ATG9A: variants seen among roughly 807,000 people sequenced by gnomAD.
ATG9A encodes the protein autophagy-related protein 9A.
In ATG9A, 21 loss-of-function variants were observed where a neutral mutation model predicts 87.1. The observed-to-expected ratio is 0.24, with a 90% CI of 0.17 to 0.35. ATG9A has a LOEUF of 0.35. Among genes scored for constraint, ATG9A ranks in the 10% least tolerant of loss-of-function variants. The probability of loss-of-function intolerance (pLI) is 1.00; values close to 1 mark genes in which losing one functional copy is unlikely to be tolerated. For synonymous variants in ATG9A, 422 were observed against 441.3 expected, an observed-to-expected ratio of 0.96 and a Z score of 0.55; for missense variants, 836 against 1,107.3, an observed-to-expected ratio of 0.76 and a Z score of 3.48.
At chr2:219,225,352 A>G in intron 6 of ATG9A, 59 bp downstream of exon 6, 3 of 1,601,224 alleles carry the variant, frequency 1.9e-6, no homozygotes, top group Admixed American at 3.4e-5. Context: ...ACTCCACTCT[A>G]TTACCCACCT....
At chr2:219,220,551 G>T in intron 15 of ATG9A, 99 bp from the exon 16 acceptor site, 1 of 1,545,914 alleles carries the variant, frequency 6.5e-7, no homozygotes, top group South Asian at 1.1e-5. Flanking sequence ...AGGAAAGGTT[G>T]ATTCCTGGGG....
intron 3 of ATG9A, 53 bp from the exon 4 acceptor site, chr2:219,227,866 C>T (rs747245413): frequency 1.1e-4 from 176 of 1,612,360 alleles, no homozygotes; most frequent in Non-Finnish European, 1.4e-4. Context: ...AAGCCCCTTG[C>T]TCTCTCCATG....
At position 219,223,032 on chromosome 2, in the gene ATG9A, C is replaced by A; in HGVS notation, c.1600-139G>T. On this transcript the variant is annotated intron_variant, in intron 10 of 15. Transcript: ENST00000361242. This position sits in a 1 kb window ranked among gnomAD's most constrained non-coding sequence, Gnocchi z 4.7. Reference sequence around the variant, plus strand: ...CAATCTTTCCCAGGGCACTGGTGCCCCCCCAGACCCAGGAGGGGCTGCACT... The same window carrying A: ...CAATCTTTCCCAGGGCACTGGTGCCACCCCAGACCCAGGAGGGGCTGCACT... 2 of 1,144,210 alleles carry A rather than the reference C, an allele frequency of 1.7e-6. No individual in the cohort carries two copies. Among genetic ancestry groups the A allele is most frequent in the Non-Finnish European group, 2.4e-6 (2 of 818,000 alleles). 70.9% of individuals were successfully genotyped at this position (1,144,210 alleles called of 1,614,324 possible).
In ATG9A at chr2:219,219,796, T is replaced by C. The variant is rs946622724; in HGVS notation, c.*651A>G. On this transcript the variant is annotated 3_prime_UTR_variant, in exon 16 of 16. Transcript: ENST00000361242. ...TCCTGCTCCTACAATTTAGAAACCTTCTTTTTTAGTGTCAAAATATAGCGT... is the reference window on the plus strand; with the variant it reads ...TCCTGCTCCTACAATTTAGAAACCTCCTTTTTTAGTGTCAAAATATAGCGT... 3 of 152,322 alleles carry C rather than the reference T, an allele frequency of 2.0e-5. No homozygotes were observed. The highest frequency in any genetic ancestry group is 7.2e-5 in the African/African-American group (3 of 41,542). The allele number at this position is 152,322 out of a possible 1,614,324, so 9.4% of individuals were successfully genotyped here.
At position 219,228,054 on chromosome 2, in the gene ATG9A, CT is replaced by C; in HGVS notation, c.-29-2del. On this transcript the variant is annotated splice_acceptor_variant, in intron 2 of 15. Coordinates refer to ENST00000361242, the MANE Select transcript of ATG9A (RefSeq NM_001077198.3). LOFTEE classifies it low-confidence loss of function (5UTR_SPLICE). ...ACCGCCCCCTGTCCACCTTGACCACCTGCCAATAAGGAGGAAGAAGAGACCC... is the reference window on the plus strand; with the variant it reads ...ACCGCCCCCTGTCCACCTTGACCACCGCCAATAAGGAGGAAGAAGAGACCC... 1 of 1,586,062 alleles carries C rather than the reference CT, an allele frequency of 6.3e-7. No homozygotes were observed. Among genetic ancestry groups the C allele is most frequent in the Non-Finnish European group, 8.6e-7 (1 of 1,157,914 alleles).
At chr2:219,225,699 G>A in intron 5 of ATG9A, 127 bp from the exon 6 acceptor site, 1 of 1,031,294 alleles carries the variant, frequency 9.7e-7, no homozygotes, top group Non-Finnish European at 1.4e-6. Context: ...AGAACTCCCA[G>A]TGGGCCCTCT....
At position 219,225,494 on chromosome 2, in the gene ATG9A, C is replaced by T. The variant is rs773124926; in HGVS notation, c.291G>A (p.Met97Ile). ...CAGTAGGGTGAAGACTGTGGTTCAC[C>T]ATCTTGTTGGCAAATAGGATGTCAT... The part of the protein sequence containing the change: ...VDYDILFANK[M>I]VNHSLHPTEP... The change falls in exon 6 of 16, where the codon ATG becomes ATA. Residue 97 changes from methionine (M) to isoleucine (I), a missense_variant. Coordinates refer to ENST00000361242, the MANE Select transcript of ATG9A (RefSeq NM_001077198.3). The T allele has an allele frequency of 1.9e-6, 3 of 1,614,040 alleles. No individual in the cohort carries two copies. The highest frequency in any genetic ancestry group is 1.7e-6 in the Non-Finnish European group (2 of 1,180,036).
Position 219,225,915 on chromosome 2 carries a change from T to G in ATG9A, c.213-343A>C, listed in dbSNP as rs141884089. ...AAAAGCCCTTGGGGGAGTTTTCTGA[T>G]TGAGGGAGGGCTTCCTAACCCCTTC... On this transcript the variant is annotated intron_variant, in intron 5 of 15. Coordinates refer to ENST00000361242, the MANE Select transcript of ATG9A (RefSeq NM_001077198.3). 4.0e-3 allele frequency among the ~76,000 whole-genome samples: 605 copies of G among 152,344 alleles called. 2 individuals are homozygous for G. Among genetic ancestry groups the G allele is most frequent in the Non-Finnish European group, 7.2e-3 (493 of 68,026 alleles).
At position 219,224,106 on chromosome 2, in the gene ATG9A, C is replaced by T. The variant is rs1950817808; in HGVS notation, c.1265G>A (p.Arg422Lys). 1 of 1,612,092 alleles carries T rather than the reference C, an allele frequency of 6.2e-7. No individual in the cohort carries two copies. The highest frequency in any genetic ancestry group is 8.5e-7 in the Non-Finnish European group (1 of 1,178,618). The change falls in exon 8 of 16, where the codon AGG becomes AAG. Residue 422 changes from arginine to lysine, a missense_variant and splice_region_variant. By Grantham distance (26) the Arg-to-Lys change is conservative. This residue lies in a region of ATG9A where 512 missense variants were observed against 759.6 expected (regional missense o/e 0.67). Coordinates refer to ENST00000361242, the MANE Select transcript of ATG9A (RefSeq NM_001077198.3). The surrounding 1 kb of genome is among the most constrained non-coding windows in gnomAD (Gnocchi z 7.7). ...GCTCCCGCCTGTGGCCCTGGCCCACCTGCACACGGTCACGGTGACCCCCAG... is the reference window on the plus strand; with the variant it reads ...GCTCCCGCCTGTGGCCCTGGCCCACTTGCACACGGTCACGGTGACCCCCAG... Reference protein sequence around the residue: ...TLLGVTVTVCRSFIPDQHMVF... With the variant: ...TLLGVTVTVCKSFIPDQHMVF...
Position 219,220,787 on chromosome 2 carries a change from T to C in ATG9A, c.2474A>G (p.Glu825Gly). ...SASRHPEPVPEEGSEDELPPQ... is the reference protein window; with the variant it reads ...SASRHPEPVPGEGSEDELPPQ... ...GGGTAGCTCATCCTCCGAGCCCTCTTCGGGCACGGGCTCAGGGTGCCTTGA... is the reference window on the plus strand; with the variant it reads ...GGGTAGCTCATCCTCCGAGCCCTCTCCGGGCACGGGCTCAGGGTGCCTTGA... Residue 825 changes from glutamate to glycine, a missense_variant, in exon 15 of 16, where the codon GAA (glutamate) becomes GGA (glycine). Transcript: ENST00000361242. 6.2e-7 allele frequency: 1 copy of C among 1,613,494 alleles called. No homozygotes were observed. The highest frequency in any genetic ancestry group is 8.5e-7 in the Non-Finnish European group (1 of 1,179,966).
In ATG9A at chr2:219,223,335, G is replaced by A. The variant is rs180847902; in HGVS notation, c.1599+250C>T. Among the ~76,000 whole-genome samples, 1 of 152,076 alleles carries A rather than the reference G, an allele frequency of 6.6e-6. No homozygotes were observed. Among genetic ancestry groups the A allele is most frequent in the Non-Finnish European group, 1.5e-5 (1 of 67,996 alleles). On this transcript the variant is annotated intron_variant, in intron 10 of 15. Coordinates refer to ENST00000361242, the MANE Select transcript of ATG9A (RefSeq NM_001077198.3). The surrounding 1 kb of genome is among the most constrained non-coding windows in gnomAD (Gnocchi z 4.7). ...GATCTCCTGACCTCGTGATCCACCC[G>A]CCTTGGCCTCCCAAAGTGCTGGGAT...
In ATG9A at chr2:219,223,995, C is replaced by T; in HGVS notation, c.1293G>A (p.Val431=). The change falls in exon 9 of 16, where the codon GTG becomes GTA. Residue 431 remains valine (V), a synonymous_variant. Transcript: ENST00000361242. This position sits in a 1 kb window ranked among gnomAD's most constrained non-coding sequence, Gnocchi z 4.7. ...CRSFIPDQHM[V]FCPEQLLRVI... ...CGCGGAGCAGCTGCTCAGGGCAGAA[C>T]ACCATGTGCTGGTCCGGGATAAAGG... 3 of 1,612,880 alleles carry T rather than the reference C, an allele frequency of 1.9e-6. No homozygotes were observed. Among genetic ancestry groups the T allele is most frequent in the Non-Finnish European group, 2.5e-6 (3 of 1,179,290 alleles).
intron 5 of ATG9A, 50 bp downstream of exon 5, chr2:219,226,819 A>G: frequency 6.5e-7 from 1 of 1,542,916 alleles, no homozygotes; most frequent in South Asian, 1.1e-5. Flanking sequence ...AGGAGAGGAA[A>G]GACTAAGATG....
In ATG9A at chr2:219,222,449, G is replaced by A. The variant is rs1185162643; in HGVS notation, c.1850C>T (p.Pro617Leu). 3 of 1,557,152 alleles carry A rather than the reference G, an allele frequency of 1.9e-6. No individual in the cohort carries two copies. The highest frequency in any genetic ancestry group is 2.6e-6 in the Non-Finnish European group (3 of 1,153,182). ...SIQSLQSESEPLSLIANVVAG... is the reference protein window; with the variant it reads ...SIQSLQSESELLSLIANVVAG... ...TACCACATTTGCGATAAGGCTCAGG[G>A]GCTATGAACGAAACGGGTAGGTAGA... Residue 617 changes from proline (P) to leucine (L), a missense_variant and splice_region_variant, in exon 12 of 16, where the codon CCC (proline) becomes CTC (leucine). Pro to Leu is a moderately conservative substitution (Grantham distance 98, BLOSUM62 -3). Around this residue, in one of 2 missense-constraint regions of ATG9A, gnomAD observed 324 missense variants for 347.6 expected, o/e 0.93. Transcript: ENST00000361242. The surrounding 1 kb of genome is among the most constrained non-coding windows in gnomAD (Gnocchi z 4.3).
chr2:219,226,734 C>G (rs1950869341), intron 5 of ATG9A, 135 bp downstream of exon 5: 1 of 782,550 alleles, frequency 1.3e-6, no homozygotes, highest in African/African-American at 1.7e-5. Context: ...ACACCCAGTC[C>G]CTGAACTACA....
intron 6 of ATG9A, 75 bp from the exon 7 acceptor site, chr2:219,225,287 G>T (rs367619116): frequency 5.0e-6 from 8 of 1,606,906 alleles, no homozygotes; most frequent in South Asian, 3.3e-5. Context: ...CTATCCTGAA[G>T]TATTTTTGCT....
At position 219,222,477 on chromosome 2, in the gene ATG9A, T is replaced by G. The variant is rs747128292; in HGVS notation, c.1849-27A>C. On this transcript the variant is annotated intron_variant, in intron 11 of 15. Coordinates refer to ENST00000361242, the MANE Select transcript of ATG9A (RefSeq NM_001077198.3). The surrounding 1 kb of genome is among the most constrained non-coding windows in gnomAD (Gnocchi z 4.3). ...TATGAACGAAACGGGTAGGTAGAAT[T>G]CTTGAGGCAAGAGAAAGGTCTCTGG... 1 of 1,543,464 alleles carries G rather than the reference T, an allele frequency of 6.5e-7. No homozygotes were observed. Among genetic ancestry groups the G allele is most frequent in the Non-Finnish European group, 8.7e-7 (1 of 1,146,326 alleles).
intron 14 of ATG9A, 84 bp downstream of exon 14, chr2:219,220,996 A>G (rs965290280): frequency 1.7e-5 from 27 of 1,593,664 alleles, no homozygotes; most frequent in East Asian, 2.2e-5. Flanking sequence ...CTGTTCTCTC[A>G]GACCTCTTTC....
At position 219,222,973 on chromosome 2, in the gene ATG9A, T is replaced by G. The variant is rs1271470599; in HGVS notation, c.1600-80A>C. On this transcript the variant is annotated intron_variant, in intron 10 of 15. Transcript: ENST00000361242. The surrounding 1 kb of genome is among the most constrained non-coding windows in gnomAD (Gnocchi z 4.3). ...CACCTTTCCTGTTAGTGGGGAGGCC[T>G]TACCCTTGGAGAACGGAGACCACAG... The G allele has an allele frequency of 6.4e-7, 1 of 1,568,772 alleles. No individual in the cohort carries two copies. The highest frequency in any genetic ancestry group is 8.7e-7 in the Non-Finnish European group (1 of 1,155,552).
Sources: gnomAD v4.1 joint callset for allele counts (sites outside exome capture counted in the v4.1 genomes callset) on GRCh38, gnomAD v4.1.1 for gene constraint, gnomAD v4.1.1 regional missense constraint, Gnocchi (gnomAD v3.1) non-coding constraint, MANE v1.5 for transcripts, NCBI Gene and HGNC (gene_info 2026-07-23, HGNC 2026-07-21) for gene names.